The following SNTG1 variants were observed in gnomAD, a reference collection of about 807,000 sequenced individuals.
SNTG1 encodes the protein gamma-1-syntrophin.
Under a neutral mutation model 74.7 loss-of-function variants are expected in SNTG1, and 39 were observed. The observed-to-expected ratio is 0.52, with a 90% CI of 0.40 to 0.68. The LOEUF (loss-of-function observed/expected upper bound fraction) is 0.68, where lower values mean the gene tolerates loss of function less well. SNTG1 is among the 30% of genes least tolerant of loss of function. The pLI is 0.00. For missense variants in SNTG1, 685 were observed against 609.5 expected (o/e 1.12, Z -1.30); for synonymous variants, 254 against 217.1 (o/e 1.17, Z -1.49).
chr8:50,604,641 G>A (rs147635959), intron 13 of SNTG1, among the ~76,000 whole-genome samples: 38 of 152,066 alleles, frequency 2.5e-4, no homozygotes, highest in African/African-American at 8.4e-4. Flanking sequence ...CATTCTTCAG[G>A]GCAGTGGGCT....
At chr8:50,368,499 G>T (rs919534554) in intron 2 of SNTG1, among the ~76,000 whole-genome samples, 1 of 152,154 alleles carries the variant, frequency 6.6e-6, no homozygotes, top group Non-Finnish European at 1.5e-5. Flanking sequence ...GAGTGCAACT[G>T]AATCACCCTT....
At chr8:50,462,013 AC>A (rs2093567728) in intron 8 of SNTG1, among the ~76,000 whole-genome samples, 1 of 152,164 alleles carries the variant, frequency 6.6e-6, no homozygotes, top group Non-Finnish European at 1.5e-5. Flanking sequence ...GGTTCTAGAC[AC>A]TGCAGTAAAA....
intron 2 of SNTG1, among the ~76,000 whole-genome samples, chr8:50,351,498 T>C (rs922584593): frequency 4.6e-5 from 7 of 152,236 alleles, no homozygotes; most frequent in African/African-American, 1.4e-4. Flanking sequence ...TATTTTTACA[T>C]TTTTGCTTTT....
chr8:50,765,355 G>T (rs927094278), intron 18 of SNTG1, among the ~76,000 whole-genome samples: 4 of 151,924 alleles, frequency 2.6e-5, no homozygotes, highest in Non-Finnish European at 5.9e-5. Flanking sequence ...TAGGTTTACT[G>T]GTCTGCATCC....
chr8:50,461,426 A>G (rs1349110112), intron 8 of SNTG1, among the ~76,000 whole-genome samples: 1 of 152,166 alleles, frequency 6.6e-6, no homozygotes, highest in African/African-American at 2.4e-5. Flanking sequence ...CCCAATGCCA[A>G]TTATGCAGTT....
chr8:50,416,896 T>C (rs1266140966), intron 4 of SNTG1, among the ~76,000 whole-genome samples: 1 of 152,128 alleles, frequency 6.6e-6, no homozygotes, highest in African/African-American at 2.4e-5. Context: ...GTTCTATCCA[T>C]AGCTTAACAC....
chr8:50,066,993 C>A (rs1820951073), intron 1 of SNTG1, among the ~76,000 whole-genome samples: 2 of 152,142 alleles, frequency 1.3e-5, no homozygotes, highest in African/African-American at 2.4e-5. Context: ...CCATGAATAT[C>A]ATTAACCATC....
intron 1 of SNTG1, among the ~76,000 whole-genome samples, chr8:50,063,120 C>T (rs1202249263): frequency 6.6e-6 from 1 of 152,222 alleles, no homozygotes; most frequent in African/African-American, 2.4e-5. Flanking sequence ...TAAGGTGAAA[C>T]ACCACTAATA....
chr8:50,023,604 T>C (rs1653566950), intron 1 of SNTG1, among the ~76,000 whole-genome samples: 1 of 152,146 alleles, frequency 6.6e-6, no homozygotes, highest in Non-Finnish European at 1.5e-5. Context: ...CCTGAAATTT[T>C]AGTAGGCTGC....
At chr8:50,517,556 C>A in intron 9 of SNTG1, among the ~76,000 whole-genome samples, 1 of 118,402 alleles carries the variant, frequency 8.4e-6, no homozygotes. Context: ...ATCTCATGTG[C>A]AAAGACACAC....
intron 1 of SNTG1, among the ~76,000 whole-genome samples, chr8:49,915,218 G>C (rs1805920124): frequency 6.6e-6 from 1 of 152,116 alleles, no homozygotes; most frequent in South Asian, 2.1e-4. Context: ...GCTGATACCT[G>C]AACACTCATG....
At chr8:50,504,366 C>G (rs547358279) in intron 9 of SNTG1, among the ~76,000 whole-genome samples, 2 of 152,098 alleles carry the variant, frequency 1.3e-5, no homozygotes, top group African/African-American at 2.4e-5. Context: ...ACCATTTGAC[C>G]CAGCAATCCC....
chr8:50,234,175 T>TAAG (rs1256424306), intron 2 of SNTG1, among the ~76,000 whole-genome samples: 3 of 152,092 alleles, frequency 2.0e-5, no homozygotes, highest in Non-Finnish European at 4.4e-5. Context: ...GTTGAATGAT[T>TAAG]AAGCAAACTT....
chr8:50,509,652 C>T (rs1483583810), intron 9 of SNTG1, among the ~76,000 whole-genome samples: 2 of 151,888 alleles, frequency 1.3e-5, no homozygotes. Flanking sequence ...AGTTGGATTC[C>T]TAGGTATTTT....
chr8:49,991,414 C>G (rs950196057), intron 1 of SNTG1, among the ~76,000 whole-genome samples: 1 of 152,160 alleles, frequency 6.6e-6, no homozygotes, highest in African/African-American at 2.4e-5. Flanking sequence ...TGTGACCACA[C>G]AACCTAGGAA....
At chr8:50,198,055 G>T (rs145943596) in intron 2 of SNTG1, among the ~76,000 whole-genome samples, 83 of 152,092 alleles carry the variant, frequency 5.5e-4, no homozygotes, top group Middle Eastern at 3.4e-3. Flanking sequence ...TCCGTACTTT[G>T]CAGTTTATCT....
At chr8:50,423,923 G>C (rs550676470) in intron 4 of SNTG1, among the ~76,000 whole-genome samples, 3 of 152,272 alleles carry the variant, frequency 2.0e-5, no homozygotes, top group East Asian at 1.9e-4. Context: ...ATGATGAAAG[G>C]CTCAAGTATT....
At chr8:50,066,681 A>G (rs932951781) in intron 1 of SNTG1, among the ~76,000 whole-genome samples, 3 of 152,254 alleles carry the variant, frequency 2.0e-5, no homozygotes, top group African/African-American at 7.2e-5. Context: ...GTAAATCTGC[A>G]GTGAAGAATA....
At chr8:50,127,428 T>C (rs970199812) in intron 1 of SNTG1, among the ~76,000 whole-genome samples, 1 of 152,268 alleles carries the variant, frequency 6.6e-6, no homozygotes, top group Admixed American at 6.5e-5. Flanking sequence ...TGGGTTCAGT[T>C]ACAACAGGTG....
Sources: gnomAD v4.1 joint callset for allele counts (sites outside exome capture counted in the v4.1 genomes callset) on GRCh38, gnomAD v4.1.1 for gene constraint, MANE v1.5 for transcripts, NCBI Gene and HGNC (gene_info 2026-07-23, HGNC 2026-07-21) for gene names.